Variants in ARHGAP24 observed in about 807,000 individuals in gnomAD.
ARHGAP24 encodes the protein Rho GTPase activating protein 24.
A neutral mutation model predicts 76.4 loss-of-function variants in ARHGAP24; 50 were observed. That is an observed-to-expected ratio of 0.65 (90% CI 0.52 to 0.83). ARHGAP24 has a LOEUF of 0.83. Ranked by LOEUF, ARHGAP24 falls within the 40% of genes least tolerant of loss-of-function variation. ARHGAP24 has a pLI of 0.00. For synonymous variants in ARHGAP24, 345 were observed against 323.3 expected, an observed-to-expected ratio of 1.07 and a Z score of -0.72; for missense variants, 930 against 914.2, an observed-to-expected ratio of 1.02 and a Z score of -0.22.
chr4:85,553,690 G>T (rs773593287), intron 1 of ARHGAP24, among the ~76,000 whole-genome samples: 1 of 152,188 alleles, frequency 6.6e-6, no homozygotes, highest in South Asian at 2.1e-4. Context: ...CAGAAGCCCA[G>T]CTGGCTTCAC....
chr4:85,561,142 G>T (rs955799170), intron 1 of ARHGAP24, among the ~76,000 whole-genome samples: 1 of 152,188 alleles, frequency 6.6e-6, no homozygotes, highest in Non-Finnish European at 1.5e-5. Context: ...TGTGATAAGG[G>T]TCATGTCCAG....
At chr4:85,484,371 A>G (rs934728302) in intron 1 of ARHGAP24, among the ~76,000 whole-genome samples, 2 of 152,184 alleles carry the variant, frequency 1.3e-5, no homozygotes, top group African/African-American at 2.4e-5. Context: ...ATTAATTGAC[A>G]TATTTGTTTT....
At chr4:85,682,890 C>T (rs1723260697) in intron 2 of ARHGAP24, among the ~76,000 whole-genome samples, 1 of 152,096 alleles carries the variant, frequency 6.6e-6, no homozygotes, top group Non-Finnish European at 1.5e-5. Context: ...CATGCGTCTC[C>T]AATATATTAT....
intron 2 of ARHGAP24, among the ~76,000 whole-genome samples, chr4:85,630,916 A>T (rs1198177968): frequency 6.6e-6 from 1 of 152,108 alleles, no homozygotes; most frequent in East Asian, 1.9e-4. Context: ...TGTGATACAT[A>T]GTGTTAATAT....
chr4:85,997,250 GTAGA>G (rs2148873306), intron 9 of ARHGAP24, among the ~76,000 whole-genome samples: 1 of 152,108 alleles, frequency 6.6e-6, no homozygotes, highest in South Asian at 2.1e-4. Flanking sequence ...AGCATTGAAG[GTAGA>G]TGGATGGATA....
At chr4:85,502,855 T>A (rs1438982514) in intron 1 of ARHGAP24, among the ~76,000 whole-genome samples, 2 of 152,172 alleles carry the variant, frequency 1.3e-5, no homozygotes, top group African/African-American at 4.8e-5. Context: ...TGGCTTTGTT[T>A]GTCATAAATA....
intron 5 of ARHGAP24, among the ~76,000 whole-genome samples, chr4:85,964,652 A>G (rs1330516084): frequency 6.6e-6 from 1 of 152,134 alleles, no homozygotes; most frequent in Non-Finnish European, 1.5e-5. Context: ...CATGGGAAAT[A>G]TTAGTCAGAG....
intron 3 of ARHGAP24, among the ~76,000 whole-genome samples, chr4:85,906,742 G>C (rs778920753): frequency 4.6e-5 from 7 of 152,098 alleles, no homozygotes; most frequent in Non-Finnish European, 1.0e-4. Flanking sequence ...AGTTTGGGCA[G>C]TGTAGTTATT....
At chr4:85,925,640 A>C (rs1330309834) in intron 4 of ARHGAP24, among the ~76,000 whole-genome samples, 1 of 152,176 alleles carries the variant, frequency 6.6e-6, no homozygotes, top group African/African-American at 2.4e-5. Context: ...TATTGTTGTT[A>C]ATCTTTTACT....
chr4:85,568,983 T>G (rs1726964414), intron 1 of ARHGAP24, among the ~76,000 whole-genome samples: 1 of 152,228 alleles, frequency 6.6e-6, no homozygotes, highest in Non-Finnish European at 1.5e-5. Flanking sequence ...GCAACAGGAA[T>G]GGCAGGACTA....
intron 1 of ARHGAP24, among the ~76,000 whole-genome samples, chr4:85,497,592 C>T (rs1203738702): frequency 6.6e-6 from 1 of 152,064 alleles, no homozygotes; most frequent in Non-Finnish European, 1.5e-5. Context: ...GAGGCTGAGG[C>T]AGGTGGATCT....
At chr4:85,792,071 CAAT>C (rs1270974467) in intron 3 of ARHGAP24, among the ~76,000 whole-genome samples, 35 of 151,928 alleles carry the variant, frequency 2.3e-4, no homozygotes, top group Admixed American at 2.3e-3. Flanking sequence ...ACAAAACTGT[CAAT>C]GATGACATTT....
At position 85,778,660 on chromosome 4, in the gene ARHGAP24, C is replaced by T. The variant is rs145211240; in HGVS notation, c.268+56688C>T. 6.2e-4 allele frequency: 613 copies of T among 981,898 alleles called. No homozygotes were observed. In the African/African-American group the frequency reaches 0.01, roughly 16 times the overall value. The allele number at this position is 981,898 out of a possible 1,614,324, so 60.8% of individuals were successfully genotyped here. A position where few individuals can be genotyped will look rare whatever the true frequency, so the allele number is the denominator to read the frequency against. On this transcript the variant is annotated intron_variant, in intron 3 of 9. Coordinates refer to ENST00000395184, the MANE Select transcript of ARHGAP24 (RefSeq NM_001025616.3). ...ATACTACATTATTTAAGGTATATTTCCTTGTAGGTTTTTTTTCCCCTCTCT... is the reference window on the plus strand; with the variant it reads ...ATACTACATTATTTAAGGTATATTTTCTTGTAGGTTTTTTTTCCCCTCTCT...
chr4:85,621,126 G>A (rs919029245), intron 2 of ARHGAP24, among the ~76,000 whole-genome samples: 3 of 152,062 alleles, frequency 2.0e-5, no homozygotes, highest in Non-Finnish European at 4.4e-5. Context: ...TTTTGTGGCT[G>A]TGTAGTATTG....
intron 5 of ARHGAP24, among the ~76,000 whole-genome samples, chr4:85,957,512 T>G (rs888598943): frequency 6.6e-6 from 1 of 152,234 alleles, no homozygotes; most frequent in African/African-American, 2.4e-5. Context: ...TGATGCTTCC[T>G]CTTTGATGTA....
intron 2 of ARHGAP24, among the ~76,000 whole-genome samples, chr4:85,655,818 A>AAAG (rs1722141470): frequency 2.8e-5 from 1 of 35,526 alleles, no homozygotes; most frequent in African/African-American, 1.5e-4. Context: ...GAGAGAGAGA[A>AAAG]AGAGAGAGAG....
chr4:85,669,665 A>G (rs58849454), intron 2 of ARHGAP24, among the ~76,000 whole-genome samples: 9 of 61,880 alleles, frequency 1.5e-4, no homozygotes, highest in Admixed American at 6.8e-4. Flanking sequence ...ATATATATAT[A>G]TATATATATA....
At chr4:85,670,084 A>G (rs1722773346) in intron 2 of ARHGAP24, among the ~76,000 whole-genome samples, 1 of 151,992 alleles carries the variant, frequency 6.6e-6, no homozygotes, top group Admixed American at 6.6e-5. Context: ...TACCCCAGGA[A>G]TATTTTTTCC....
intron 3 of ARHGAP24, among the ~76,000 whole-genome samples, chr4:85,894,061 G>T (rs370292771): frequency 3.8e-5 from 5 of 133,276 alleles, no homozygotes; most frequent in South Asian, 2.4e-4. Context: ...TAACTAACTT[G>T]CACAATGTGC....
Sources: allele counts gnomAD v4.1 joint callset (sites outside exome capture counted in the v4.1 genomes callset), GRCh38; gene constraint gnomAD v4.1.1; transcripts MANE v1.5; gene names NCBI Gene and HGNC (gene_info 2026-07-23, HGNC 2026-07-21).